The following CLSTN2 variants were observed in gnomAD, a reference collection of about 807,000 sequenced individuals.
CLSTN2 encodes calsyntenin-2.
Under a neutral mutation model 101.2 loss-of-function variants are expected in CLSTN2, and 48 were observed. That is an observed-to-expected ratio of 0.47 (90% CI 0.38 to 0.60). The LOEUF is 0.60. Among genes scored for constraint, CLSTN2 ranks in the 20% least tolerant of loss-of-function variants. The probability of loss-of-function intolerance (pLI) is 0.00; values close to 1 mark genes in which losing one functional copy is unlikely to be tolerated. For missense variants in CLSTN2, 1,160 were observed against 1,238.2 expected, an observed-to-expected ratio of 0.94 and a Z score of 0.95; for synonymous variants, 481 against 463.6, an observed-to-expected ratio of 1.04 and a Z score of -0.48.
At chr3:140,240,904 A>T (rs375991568) in intron 2 of CLSTN2, among the ~76,000 whole-genome samples, 2 of 152,036 alleles carry the variant, frequency 1.3e-5, no homozygotes, top group Non-Finnish European at 2.9e-5. Context: ...TTCTTCCTGG[A>T]TGGGATGCTG....
At chr3:140,420,002 C>T (rs1439589586) in intron 4 of CLSTN2, among the ~76,000 whole-genome samples, 13 of 149,754 alleles carry the variant, frequency 8.7e-5, no homozygotes, top group Non-Finnish European at 1.6e-4. Flanking sequence ...AAACAATTCT[C>T]GTGCCTCAGC....
chr3:140,269,636 T>C lies in CLSTN2; in HGVS notation c.232+93563T>C, dbSNP rs186647631. 3.9e-5 allele frequency among the ~76,000 whole-genome samples: 6 copies of C among 152,292 alleles called. No individual in the cohort carries two copies. The East Asian group carries it at 1.2e-3, about 29-fold the overall frequency. ...AAGAAAAGCTTTCGATATTATTGAG[T>C]GAACTCTGTGTGCATAGCCCCACTT... is the stretch of plus-strand genomic sequence containing the variant. On this transcript the variant is annotated intron_variant, in intron 2 of 16. Transcript: ENST00000458420.
chr3:140,467,973 A>G (rs1323569475), intron 8 of CLSTN2, among the ~76,000 whole-genome samples: 2 of 152,256 alleles, frequency 1.3e-5, no homozygotes, highest in African/African-American at 2.4e-5. Context: ...ACTCCAGGCA[A>G]TGTGACAAGA....
At chr3:140,530,249 GATGCTAC>G (rs1935225869) in intron 8 of CLSTN2, among the ~76,000 whole-genome samples, 1 of 152,198 alleles carries the variant, frequency 6.6e-6, no homozygotes, top group Non-Finnish European at 1.5e-5. Context: ...TTTTAGTGCT[GATGCTAC>G]ATGAAATATG....
At chr3:140,368,842 C>T (rs1321034583) in intron 2 of CLSTN2, among the ~76,000 whole-genome samples, 1 of 152,202 alleles carries the variant, frequency 6.6e-6, no homozygotes, top group Non-Finnish European at 1.5e-5. Flanking sequence ...CCACAGCATA[C>T]TATTCATTTT....
At chr3:140,251,021 A>G (rs1017068122) in intron 2 of CLSTN2, among the ~76,000 whole-genome samples, 59 of 152,216 alleles carry the variant, frequency 3.9e-4, no homozygotes, top group African/African-American at 1.4e-3. Flanking sequence ...GGATATGTCC[A>G]TGCCATGACA....
intron 2 of CLSTN2, among the ~76,000 whole-genome samples, chr3:140,231,502 T>C (rs957838234): frequency 2.0e-5 from 3 of 152,144 alleles, no homozygotes; most frequent in Non-Finnish European, 4.4e-5. Flanking sequence ...GTCTAAAATA[T>C]ACAGTGACTG....
At chr3:140,014,176 C>T (rs116631085) in intron 1 of CLSTN2, among the ~76,000 whole-genome samples, 7 of 152,218 alleles carry the variant, frequency 4.6e-5, no homozygotes, top group East Asian at 1.9e-4. Context: ...GAAGTAATGT[C>T]GAGAGCCTGT....
At chr3:140,487,687 C>A (rs1021239857) in intron 8 of CLSTN2, among the ~76,000 whole-genome samples, 3 of 152,242 alleles carry the variant, frequency 2.0e-5, no homozygotes, top group African/African-American at 7.2e-5. Flanking sequence ...TCCTCAGCAT[C>A]ACATGAAATG....
At chr3:140,489,504 G>T (rs1934299031) in intron 8 of CLSTN2, among the ~76,000 whole-genome samples, 1 of 152,072 alleles carries the variant, frequency 6.6e-6, no homozygotes, top group Non-Finnish European at 1.5e-5. Context: ...CCATGATCAG[G>T]GATAGACAGG....
chr3:140,418,228 A>G (rs2107988419), intron 4 of CLSTN2, among the ~76,000 whole-genome samples: 1 of 152,290 alleles, frequency 6.6e-6, no homozygotes, highest in South Asian at 2.1e-4. Flanking sequence ...TGTGACAACT[A>G]TAACCACATA....
intron 1 of CLSTN2, among the ~76,000 whole-genome samples, chr3:139,987,673 T>C (rs1936049304): frequency 6.6e-6 from 1 of 152,230 alleles, no homozygotes; most frequent in South Asian, 2.1e-4. Flanking sequence ...GTCAGTGGAA[T>C]TTAATCACCT....
At position 139,947,661 on chromosome 3, in the gene CLSTN2, T is replaced by A. The variant is rs922626823; in HGVS notation, c.109+12178T>A. Among the ~76,000 whole-genome samples, 6 of 152,210 alleles carry A rather than the reference T, an allele frequency of 3.9e-5. No individual in the cohort carries two copies. The East Asian group carries it at 1.2e-3, about 29-fold the overall frequency. ...GACCCCGATTTCACCTTCCTAGATT[T>A]ATTTTTGTTGTTGTTTTTTCTCCCA... On this transcript the variant is annotated intron_variant, in intron 1 of 16. Transcript: ENST00000458420.
At chr3:140,500,492 C>G (rs147728396) in intron 8 of CLSTN2, among the ~76,000 whole-genome samples, 159 of 152,286 alleles carry the variant, frequency 1.0e-3, no homozygotes, top group African/African-American at 3.7e-3. Flanking sequence ...TACTAAAGGA[C>G]AAGAAATTGG....
rs1985747913 is a variant in CLSTN2, at chr3:140,576,915, A to C, written c.*10662A>C. 6.6e-6 allele frequency: 1 copy of C among 152,216 alleles called. No individual in the cohort carries two copies. Among genetic ancestry groups the C allele is most frequent in the Non-Finnish European group, 1.5e-5 (1 of 68,038 alleles). 9.4% of individuals were successfully genotyped at this position (152,216 alleles called of 1,614,324 possible). A position where few individuals can be genotyped will look rare whatever the true frequency, so the allele number is the denominator to read the frequency against. On this transcript the variant is annotated 3_prime_UTR_variant, in exon 17 of 17. Transcript: ENST00000458420. ...GACTTTGGAGTATCTCATTAGAAGG[A>C]CTGTATGAATTTATAGAAAATTGAA... is the stretch of plus-strand genomic sequence containing the variant.
At position 140,547,363 on chromosome 3, in the gene CLSTN2, A is replaced by G. The variant is rs142226881; in HGVS notation, c.1674+682A>G. ...GTGGCGTGCACCTGTAATCCCAGCT[A>G]CTCAGGAGGCTGAGGCAGGAGAATC... On this transcript the variant is annotated intron_variant, in intron 10 of 16. Coordinates refer to ENST00000458420, the MANE Select transcript of CLSTN2 (RefSeq NM_022131.3). 3.9e-3 allele frequency among the ~76,000 whole-genome samples: 589 copies of G among 152,164 alleles called. 4 individuals are homozygous for G. The highest frequency in any genetic ancestry group is 6.2e-3 in the Non-Finnish European group (422 of 68,000).
intron 8 of CLSTN2, among the ~76,000 whole-genome samples, chr3:140,506,440 G>A (rs2107765100): frequency 6.6e-6 from 1 of 152,222 alleles, no homozygotes. Flanking sequence ...GAACCCCAGG[G>A]TCCTTCAAGC....
rs533179975 is a variant in CLSTN2, at chr3:140,036,155, G to C, written c.109+100672G>C. Reference sequence around the variant, plus strand: ...ATTCATTTGCTTGCCCTTGTTTCCTGGTGCCTGGCCTAGGATTCAGTACTA... The same window carrying C: ...ATTCATTTGCTTGCCCTTGTTTCCTCGTGCCTGGCCTAGGATTCAGTACTA... On this transcript the variant is annotated intron_variant, in intron 1 of 16. Transcript: ENST00000458420. 3.0e-4 allele frequency among the ~76,000 whole-genome samples: 46 copies of C among 152,296 alleles called. 1 individual carries two copies. Among genetic ancestry groups the C allele is most frequent in the African/African-American group, 1.1e-3 (44 of 41,548 alleles).
chr3:140,265,074 C>T lies in CLSTN2; in HGVS notation c.232+89001C>T, dbSNP rs1001264380. On this transcript the variant is annotated intron_variant, in intron 2 of 16. Transcript: ENST00000458420. Reference sequence around the variant, plus strand: ...CCATTTAATCTGCAAAATGACCCTACGAGGAGGTACTATTACTGTTGTTAT... The same window carrying T: ...CCATTTAATCTGCAAAATGACCCTATGAGGAGGTACTATTACTGTTGTTAT... Among the ~76,000 whole-genome samples the T allele has an allele frequency of 8.5e-5, 13 of 152,204 alleles. No homozygotes were observed. The South Asian group carries it at 1.0e-3, about 12-fold the overall frequency.
Sources: gnomAD v4.1 joint callset for allele counts (sites outside exome capture counted in the v4.1 genomes callset) on GRCh38, gnomAD v4.1.1 for gene constraint, MANE v1.5 for transcripts, NCBI Gene and HGNC (gene_info 2026-07-23, HGNC 2026-07-21) for gene names.